The following LAMA3 variants were observed in gnomAD, a reference collection of about 807,000 sequenced individuals.
LAMA3 encodes laminin subunit alpha 3.
In LAMA3, 281 loss-of-function variants were observed where a neutral mutation model predicts 402.0. That is an observed-to-expected ratio of 0.70 (90% CI 0.63 to 0.77). The LOEUF is 0.77. Ranked by LOEUF, LAMA3 falls within the 30% of genes least tolerant of loss-of-function variation. The pLI is 0.00. For synonymous variants in LAMA3, 1,431 were observed against 1,558.4 expected, an observed-to-expected ratio of 0.92 and a Z score of 1.93; for missense variants, 3,840 against 4,215.5, an observed-to-expected ratio of 0.91 and a Z score of 2.47.
At chr18:23,767,882 CT>C (rs2062110569) in intron 8 of LAMA3, among the ~76,000 whole-genome samples, 1 of 152,026 alleles carries the variant, frequency 6.6e-6, no homozygotes, top group Admixed American at 6.6e-5. Context: ...AAGGAAAGGT[CT>C]TTCTATTCAA....
Position 23,914,774 on chromosome 18 carries a change from A to G in LAMA3, c.7558A>G (p.Met2520Val), listed in dbSNP as rs1440296432. Residue 2520 changes from methionine to valine, a missense_variant, in exon 58 of 75, where the codon ATG becomes GTG. By Grantham distance (21) the Met-to-Val change is conservative. This residue lies in a region of LAMA3 where 891 missense variants were observed against 857.5 expected (regional missense o/e 1.04). Transcript: ENST00000313654. ...ACCAGAAACACCCGGAGTCTATGAC[A>G]TGGATGGTAGAAATAGCAATACACT... is the stretch of plus-strand genomic sequence containing the variant. ...SKPETPGVYDMDGRNSNTLLN... is the reference protein window; with the variant it reads ...SKPETPGVYDVDGRNSNTLLN... 3 of 1,613,360 alleles carry G rather than the reference A, an allele frequency of 1.9e-6. No homozygotes were observed. Among genetic ancestry groups the G allele is most frequent in the Non-Finnish European group, 2.5e-6 (3 of 1,179,268 alleles).
chr18:23,809,774 A>T (rs766235952), intron 12 of LAMA3, among the ~76,000 whole-genome samples: 8 of 152,126 alleles, frequency 5.3e-5, no homozygotes, highest in Non-Finnish European at 7.4e-5. Context: ...CATTTTTTCC[A>T]TGACTACTTA....
At chr18:23,886,047 G>T (rs1386351713) in intron 41 of LAMA3, among the ~76,000 whole-genome samples, 2 of 152,068 alleles carry the variant, frequency 1.3e-5, no homozygotes, top group African/African-American at 4.8e-5. Context: ...TCACATCAAT[G>T]ACCAAAAATT....
intron 67 of LAMA3, 22 bp downstream of exon 67, chr18:23,933,957 T>C (rs962317368): frequency 1.2e-5 from 19 of 1,612,528 alleles, no homozygotes; most frequent in African/African-American, 6.7e-5. Context: ...AACCTAACCC[T>C]GGGTTTCCCT....
chr18:23,781,175 A>T, intron 11 of LAMA3: 1 of 370,240 alleles, frequency 2.7e-6, no homozygotes, highest in Non-Finnish European at 5.5e-6. Flanking sequence ...GAATCTCAAT[A>T]CTTCGTTTAA....
intron 20 of LAMA3, among the ~76,000 whole-genome samples, chr18:23,824,103 A>G (rs2144422102): frequency 6.6e-6 from 1 of 152,314 alleles, no homozygotes; most frequent in African/African-American, 2.4e-5. Context: ...TAGCTAATGT[A>G]ATATATTGAA....
At chr18:23,932,558 G>A (rs995541228) in intron 66 of LAMA3, 2 of 393,158 alleles carry the variant, frequency 5.1e-6, no homozygotes, top group Non-Finnish European at 9.6e-6. Flanking sequence ...ATTATGGCCC[G>A]GAAAAGTATT....
chr18:23,702,021 GGA>G (rs917423687), intron 1 of LAMA3, among the ~76,000 whole-genome samples: 1 of 151,582 alleles, frequency 6.6e-6, no homozygotes, highest in Non-Finnish European at 1.5e-5. Context: ...GAGAGAGAGA[GGA>G]GAGAGAGAGA....
chr18:23,818,115 C>T (rs1004527497), intron 18 of LAMA3, among the ~76,000 whole-genome samples: 1 of 151,838 alleles, frequency 6.6e-6, no homozygotes, highest in Non-Finnish European at 1.5e-5. Context: ...AGATAGTGCC[C>T]CTGCACTCCA....
At chr18:23,819,587 C>T (rs1457007029) in intron 18 of LAMA3, among the ~76,000 whole-genome samples, 1 of 152,206 alleles carries the variant, frequency 6.6e-6, no homozygotes, top group Non-Finnish European at 1.5e-5. Context: ...GATGCTACCA[C>T]TATGGCTTGT....
At chr18:23,940,253 A>G (rs897899834) in intron 68 of LAMA3, among the ~76,000 whole-genome samples, 3 of 152,172 alleles carry the variant, frequency 2.0e-5, no homozygotes, top group African/African-American at 7.2e-5. Context: ...GCCGGGTAGG[A>G]AGGGCCTCGG....
intron 2 of LAMA3, among the ~76,000 whole-genome samples, chr18:23,733,956 TG>T (rs1392198403): frequency 1.3e-5 from 2 of 152,252 alleles, no homozygotes; most frequent in Non-Finnish European, 2.9e-5. Flanking sequence ...CATTTTAACA[TG>T]CTTTCTGGTT....
At chr18:23,705,473 A>ACACG (rs1203246442) in intron 1 of LAMA3, among the ~76,000 whole-genome samples, 6 of 151,796 alleles carry the variant, frequency 4.0e-5, no homozygotes, top group Admixed American at 3.9e-4. Flanking sequence ...ACACACACAC[A>ACACG]CACACACAGA....
intron 32 of LAMA3, among the ~76,000 whole-genome samples, chr18:23,848,952 C>G (rs566648157): frequency 4.4e-4 from 67 of 152,298 alleles, no homozygotes; most frequent in Middle Eastern, 3.4e-3. Context: ...ATGCTGTTCT[C>G]CCTGTGTGTC....
chr18:23,884,385 GT>G (rs369306998), intron 40 of LAMA3, among the ~76,000 whole-genome samples: 4 of 151,020 alleles, frequency 2.6e-5, no homozygotes, highest in East Asian at 3.9e-4. Context: ...CAAGGAGAAC[GT>G]TTTTTTTTAA....
intron 67 of LAMA3, 118 bp from the exon 68 acceptor site, chr18:23,939,105 C>T (rs1386717487): frequency 9.3e-7 from 1 of 1,080,654 alleles, no homozygotes; most frequent in Non-Finnish European, 1.4e-6. Context: ...ACCAGGCCTT[C>T]TATTGCCCTA....
chr18:23,800,893 G>C (rs2062853956), intron 12 of LAMA3, among the ~76,000 whole-genome samples: 1 of 152,078 alleles, frequency 6.6e-6, no homozygotes, highest in African/African-American at 2.4e-5. Context: ...GTATTCCCCT[G>C]TGTATATATA....
At chr18:23,815,426 G>A in intron 16 of LAMA3, 42 bp from the exon 17 acceptor site, 1 of 1,527,818 alleles carries the variant, frequency 6.5e-7, no homozygotes, top group South Asian at 1.1e-5. Flanking sequence ...AGTGAATTCT[G>A]TAATTATATC....
intron 37 of LAMA3, among the ~76,000 whole-genome samples, chr18:23,870,764 T>A (rs2064494213): frequency 6.6e-6 from 1 of 152,224 alleles, no homozygotes; most frequent in Non-Finnish European, 1.5e-5. Context: ...TGATTCCACT[T>A]ATATGAATTA....
Sources: gnomAD v4.1 joint callset for allele counts (sites outside exome capture counted in the v4.1 genomes callset) on GRCh38, gnomAD v4.1.1 for gene constraint, gnomAD v4.1.1 regional missense constraint, MANE v1.5 for transcripts, NCBI Gene and HGNC (gene_info 2026-07-23, HGNC 2026-07-21) for gene names.